The following ENTPD2 variants were observed in gnomAD, a reference collection of about 807,000 sequenced individuals.
The protein encoded by ENTPD2 is CD39 antigen-like 1.
A neutral mutation model predicts 46.8 loss-of-function variants in ENTPD2; 48 were observed. The ratio of observed to expected loss-of-function variants is 1.03; its 90% confidence interval spans 0.81 to 1.30. The LOEUF (loss-of-function observed/expected upper bound fraction) is 1.30. Ranked by LOEUF, ENTPD2 falls within the 50% of genes most tolerant of loss-of-function variation. The pLI, the probability that ENTPD2 is intolerant of heterozygous loss-of-function variation, is 0.00. For missense variants in ENTPD2, 707 were observed against 651.1 expected (o/e 1.09, Z -0.93); for synonymous variants, 316 against 286.1 (o/e 1.10, Z -1.06).
rs889427359 is a variant in ENTPD2, at chr9:137,051,077, A to G, written c.599T>C (p.Met200Thr). The change falls in exon 5 of 9, where the codon ATG becomes ACG. Residue 200 changes from methionine (M) to threonine (T), a missense_variant. Coordinates refer to ENST00000355097, the MANE Select transcript of ENTPD2 (RefSeq NM_203468.3). ...FRPRKGTLGA[M>T]DLGGASTQIT... ...CTGGGTAGAGGCACCCCCCAGGTCCATGGCCCCCAGTGTCCCCTTCCGTGG... is the reference window on the plus strand; with the variant it reads ...CTGGGTAGAGGCACCCCCCAGGTCCGTGGCCCCCAGTGTCCCCTTCCGTGG... 1.9e-6 allele frequency: 3 copies of G among 1,612,740 alleles called. No homozygotes were observed. The highest frequency in any genetic ancestry group is 2.7e-5 in the African/African-American group (2 of 74,924).
chr9:137,053,853 G>A, intron 1 of ENTPD2, 28 bp downstream of exon 1: 1 of 1,210,966 alleles, frequency 8.3e-7, no homozygotes, highest in Non-Finnish European at 1.0e-6. Flanking sequence ...CTGCTCCCCA[G>A]ACGTGCGCTG....
intron 1 of ENTPD2, 79 bp from the exon 2 acceptor site, chr9:137,052,427 C>T (rs1473996682): frequency 3.3e-6 from 4 of 1,218,110 alleles, no homozygotes; most frequent in Non-Finnish European, 4.6e-6. Context: ...AGTTGGGTTC[C>T]TCCAGTTTGC....
rs556689083 is a variant in ENTPD2, at chr9:137,054,038, G to A, written c.-41C>T. On this transcript the variant is annotated 5_prime_UTR_variant, in exon 1 of 9. Transcript: ENST00000355097. ...CGGGAGGACGATGCGTGGACCCGGA[G>A]AGTGCGGGGAGCCGGAGGCGGAGGC... The A allele has an allele frequency of 9.6e-5, 113 of 1,172,844 alleles. 1 individual carries two copies. In the African/African-American group the frequency reaches 1.6e-3, roughly 17 times the overall value. 72.7% of individuals were successfully genotyped at this position (1,172,844 alleles called of 1,614,324 possible). A position where few individuals can be genotyped will look rare whatever the true frequency, so the allele number is the denominator to read the frequency against.
rs1194910967 is a variant in ENTPD2, at chr9:137,048,557, G to C, written c.*100C>G. The C allele has an allele frequency of 1.0e-6, 1 of 957,710 alleles. No individual in the cohort carries two copies. 59.3% of individuals were successfully genotyped at this position (957,710 alleles called of 1,614,324 possible). On this transcript the variant is annotated 3_prime_UTR_variant, in exon 9 of 9. Transcript: ENST00000355097. ...GGAGAGGGGTGGGTGGAGGGGTGGG[G>C]ATACAGGGGTGGGAGGTACAGGGGT... is the stretch of plus-strand genomic sequence containing the variant.
intron 1 of ENTPD2, 103 bp from the exon 2 acceptor site, chr9:137,052,451 C>T (rs929803682): frequency 1.2e-6 from 1 of 868,378 alleles, no homozygotes. Context: ...CGCTCCCCCC[C>T]CCACCCAGTC....
At position 137,050,545 on chromosome 9, in the gene ENTPD2, G is replaced by T. The variant is rs757664312; in HGVS notation, c.775-7C>A. 2 of 1,610,084 alleles carry T rather than the reference G, an allele frequency of 1.2e-6. No homozygotes were observed. Among genetic ancestry groups the T allele is most frequent in the Non-Finnish European group, 1.7e-6 (2 of 1,178,090 alleles). ...AGGGGTGGAAGCCGTGGGTCTGGGGGAATCACCAGCGTGACAGGGTGGCAC... is the reference window on the plus strand; with the variant it reads ...AGGGGTGGAAGCCGTGGGTCTGGGGTAATCACCAGCGTGACAGGGTGGCAC... On this transcript the variant is annotated splice_region_variant and splice_polypyrimidine_tract_variant and intron_variant, in intron 5 of 8. Coordinates refer to ENST00000355097, the MANE Select transcript of ENTPD2 (RefSeq NM_203468.3).
intron 7 of ENTPD2, chr9:137,049,593 G>T: frequency 2.1e-6 from 1 of 472,588 alleles, no homozygotes; most frequent in Non-Finnish European, 3.8e-6. Context: ...TACCATGGAG[G>T]GAACCAGTGG....
rs750327305 is a variant in ENTPD2 at position 137,048,813 on chromosome 9, C to T, written c.1332G>A (p.Leu444=). ...GCGGGTCGGCGGGGATCAGGTTGGT[C>T]AGGTTCAGCATGTAGCCGAGCGCCC... ...VGWALGYMLN[L]TNLIPADPPG... is the part of the protein sequence containing the mutation. The change falls in exon 9 of 9, where the codon CTG becomes CTA. Residue 444 remains leucine (L), a synonymous_variant. Transcript: ENST00000355097. 12 of 1,572,552 alleles carry T rather than the reference C, an allele frequency of 7.6e-6. No homozygotes were observed. In the South Asian group the frequency reaches 1.4e-4, roughly 19 times the overall value.
rs1832203006 is a variant in ENTPD2 at position 137,049,027 on chromosome 9, C to T, written c.1198G>A (p.Ala400Thr). 1.3e-6 allele frequency: 2 copies of T among 1,536,566 alleles called. No homozygotes were observed. The highest frequency in any genetic ancestry group is 1.7e-6 in the Non-Finnish European group (2 of 1,145,424). The change falls in exon 8 of 9, where the codon GCC becomes ACC. Residue 400 changes from alanine (A) to threonine (T), a missense_variant. Transcript: ENST00000355097. ...GQRARLADYC[A>T]GAMFVQQLLS... ...AGCTGCTGCACGAACATGGCCCCGG[C>T]GCAGTAGTCGGCCAGGCGGGCCCGT... is the stretch of plus-strand genomic sequence containing the variant.
rs148619460 is a variant in ENTPD2, at chr9:137,050,533, G to A, written c.780C>T (p.His260=). 1.6e-5 allele frequency: 26 copies of A among 1,612,026 alleles called. No homozygotes were observed. Among genetic ancestry groups the A allele is most frequent in the Admixed American group, 3.3e-5 (2 of 59,968 alleles). Residue 260 remains histidine (H), a synonymous_variant, in exon 6 of 9, where the codon CAC becomes CAT. Coordinates refer to ENST00000355097, the MANE Select transcript of ENTPD2 (RefSeq NM_203468.3). ...CCCTCGGCCAGCAGGGGTGGAAGCC[G>A]TGGGTCTGGGGGAATCACCAGCGTG... ...QRLLASALQT[H]GFHPCWPRGF... is the part of the protein sequence containing the mutation.
chr9:137,051,094 C>G lies in ENTPD2; in HGVS notation c.582G>C (p.Lys194Asn). 3 of 1,612,814 alleles carry G rather than the reference C, an allele frequency of 1.9e-6. No individual in the cohort carries two copies. Among genetic ancestry groups the G allele is most frequent in the Non-Finnish European group, 2.5e-6 (3 of 1,180,002 alleles). ...CCAGGTCCATGGCCCCCAGTGTCCC[C>G]TTCCGTGGCCGGAACCACCGGCCCA... is the stretch of plus-strand genomic sequence containing the variant. Reference protein sequence around the residue: ...GWVGRWFRPRKGTLGAMDLGG... With the variant: ...GWVGRWFRPRNGTLGAMDLGG... Residue 194 changes from lysine to asparagine, a missense_variant, in exon 5 of 9, where the codon AAG (lysine) becomes AAC (asparagine). By Grantham distance (94) the Lys-to-Asn change is moderately conservative (BLOSUM62 0). Transcript: ENST00000355097.
chr9:137,048,549 G>A lies in ENTPD2; in HGVS notation c.*108C>T. 1 of 865,966 alleles carries A rather than the reference G, an allele frequency of 1.2e-6. No individual in the cohort carries two copies. Among genetic ancestry groups the A allele is most frequent in the Middle Eastern group, 3.6e-4 (1 of 2,760 alleles). 53.6% of individuals were successfully genotyped at this position (865,966 alleles called of 1,614,324 possible). On this transcript the variant is annotated 3_prime_UTR_variant, in exon 9 of 9. Transcript: ENST00000355097. ...AGAGGTTGGGAGAGGGGTGGGTGGAGGGGTGGGGATACAGGGGTGGGAGGT... is the reference window on the plus strand; with the variant it reads ...AGAGGTTGGGAGAGGGGTGGGTGGAAGGGTGGGGATACAGGGGTGGGAGGT...
At position 137,051,510 on chromosome 9, in the gene ENTPD2, T is replaced by C. The variant is rs1251186982; in HGVS notation, c.386A>G (p.Asn129Ser). 1.3e-6 allele frequency: 2 copies of C among 1,592,106 alleles called. No homozygotes were observed. The highest frequency in any genetic ancestry group is 3.5e-5 in the Admixed American group (2 of 57,754). ...LGATAGMRLLNLTNPEASTSV... is the reference protein window; with the variant it reads ...LGATAGMRLLSLTNPEASTSV... ...AGGGCCAGGGCACAGGCACACTCAC[T>C]TGAGCAGGCGCATACCCGCTGTGGC... The change falls in exon 3 of 9, where the codon AAC becomes AGC. Residue 129 changes from asparagine to serine, a missense_variant and splice_region_variant. Asn to Ser is a conservative substitution (Grantham distance 46). Coordinates refer to ENST00000355097, the MANE Select transcript of ENTPD2 (RefSeq NM_203468.3).
Position 137,051,373 on chromosome 9 carries a change from G to A in ENTPD2, c.387-3C>T, listed in dbSNP as rs764953760. 1.9e-6 allele frequency: 3 copies of A among 1,547,706 alleles called. No individual in the cohort carries two copies. The highest frequency in any genetic ancestry group is 1.9e-5 in the Admixed American group (1 of 52,370). On this transcript the variant is annotated splice_region_variant and splice_polypyrimidine_tract_variant and intron_variant, in intron 3 of 8. Transcript: ENST00000355097. ...TCGAGGCCTCTGGATTGGTCAGGCT[G>A]CAAAACACAGAGAACTCCAAGAGGC...
chr9:137,054,006 G>A lies in ENTPD2; in HGVS notation c.-9C>T, dbSNP rs1322637630. The A allele has an allele frequency of 2.5e-6, 3 of 1,208,386 alleles. No individual in the cohort carries two copies. The highest frequency in any genetic ancestry group is 8.3e-5 in the South Asian group (2 of 24,170). 74.9% of individuals were successfully genotyped at this position (1,208,386 alleles called of 1,614,324 possible). A position where few individuals can be genotyped will look rare whatever the true frequency, so the allele number is the denominator to read the frequency against. On this transcript the variant is annotated 5_prime_UTR_variant, in exon 1 of 9. Transcript: ENST00000355097. ...CGCACCTTCCCGGCCATGGGCGGGC[G>A]GGCGCGCGGGAGGACGATGCGTGGA...
chr9:137,051,087 G>A lies in ENTPD2; in HGVS notation c.589C>T (p.Leu197=), dbSNP rs1311157481. 6 of 1,612,836 alleles carry A rather than the reference G, an allele frequency of 3.7e-6. No homozygotes were observed. The Middle Eastern group carries it at 4.9e-4, about 133-fold the overall frequency. The change falls in exon 5 of 9, where the codon CTG becomes TTG. Residue 197 remains leucine, a synonymous_variant. Transcript: ENST00000355097. ...GCACCCCCCAGGTCCATGGCCCCCA[G>A]TGTCCCCTTCCGTGGCCGGAACCAC... is the stretch of plus-strand genomic sequence containing the variant. ...GRWFRPRKGT[L]GAMDLGGAST...
Position 137,048,844 on chromosome 9 carries a change from A to G in ENTPD2, c.1301T>C (p.Val434Ala). ...IFQKKAADTAVGWALGYMLNL... is the reference protein window; with the variant it reads ...IFQKKAADTAAGWALGYMLNL... ...CAGCATGTAGCCGAGCGCCCAGCCCACTGCAGTGTCCGCGGCCTGCGGGGA... is the reference window on the plus strand; with the variant it reads ...CAGCATGTAGCCGAGCGCCCAGCCCGCTGCAGTGTCCGCGGCCTGCGGGGA... The change falls in exon 9 of 9, where the codon GTG becomes GCG. Residue 434 changes from valine (V) to alanine (A), a missense_variant. Physicochemically the swap from Val to Ala is moderately conservative, Grantham distance 64. Coordinates refer to ENST00000355097, the MANE Select transcript of ENTPD2 (RefSeq NM_203468.3). The G allele has an allele frequency of 4.5e-6, 7 of 1,547,640 alleles. No homozygotes were observed. The highest frequency in any genetic ancestry group is 4.4e-6 in the Non-Finnish European group (5 of 1,148,342).
intron 1 of ENTPD2, among the ~76,000 whole-genome samples, chr9:137,053,528 GCA>G (rs963280452): frequency 6.6e-6 from 1 of 152,234 alleles, no homozygotes; most frequent in African/African-American, 2.4e-5. Flanking sequence ...CTGGGGGCCC[GCA>G]CAGGCCTGGG....
rs772134556 is a variant in ENTPD2, at chr9:137,048,748, A to G, written c.1397T>C (p.Val466Ala). The change falls in exon 9 of 9, where the codon GTC (valine) becomes GCC (alanine). Residue 466 changes from valine to alanine, a missense_variant. Physicochemically the swap from Val to Ala is moderately conservative, Grantham distance 64. Coordinates refer to ENST00000355097, the MANE Select transcript of ENTPD2 (RefSeq NM_203468.3). ...RKGTDFSSWV[V>A]LLLLFASALL... ...CGCGGAGGCGAAGAGCAGCAGGAGG[A>G]CGACCCAGGAGCTGAAGTCTGTGCC... 6 of 1,603,802 alleles carry G rather than the reference A, an allele frequency of 3.7e-6. 1 individual carries two copies. The East Asian group carries it at 1.3e-4, about 36-fold the overall frequency.
Sources: allele counts gnomAD v4.1 joint callset (sites outside exome capture counted in the v4.1 genomes callset), GRCh38; gene constraint gnomAD v4.1.1; transcripts MANE v1.5; gene names NCBI Gene and HGNC (gene_info 2026-07-23, HGNC 2026-07-21).